The following LARS1 variants were observed in gnomAD, a reference collection of about 807,000 sequenced individuals.
LARS1 encodes the protein leucyl-tRNA synthetase 1.
LARS1 carries 100 observed loss-of-function variants against 162.8 expected under a neutral mutation model. The ratio of observed to expected loss-of-function variants is 0.61; its 90% CI spans 0.52 to 0.73. LARS1 has a LOEUF of 0.73. Among genes scored for constraint, LARS1 ranks in the 30% least tolerant of loss-of-function variants. The pLI is 0.00. For missense variants in LARS1, 1,258 were observed against 1,408.9 expected (o/e 0.89, Z 1.71); for synonymous variants, 457 against 462.8 (o/e 0.99, Z 0.16).
intron 2 of LARS1, among the ~76,000 whole-genome samples, chr5:146,173,576 AAGAC>A (rs1451637274): frequency 6.6e-6 from 1 of 151,122 alleles, no homozygotes; most frequent in African/African-American, 2.4e-5. Flanking sequence ...TGTTTTTGTA[AAGAC>A]AGGGTTCTCA....
Position 146,156,006 on chromosome 5 carries a change from C to T in LARS1, c.1065+1397G>A, listed in dbSNP as rs183642024. Among the ~76,000 whole-genome samples, 398 of 152,314 alleles carry T rather than the reference C, an allele frequency of 2.6e-3. 3 individuals are homozygous for T. Among genetic ancestry groups the T allele is most frequent in the Non-Finnish European group, 2.4e-3 (163 of 68,022 alleles). The stretch of plus-strand genomic sequence containing the variant: ...GCTATAAAAAATAAGAATAAAGAAG[C>T]TGTTTATGTACTGACAAAATGATTG... On this transcript the variant is annotated intron_variant, in intron 10 of 31. Transcript: ENST00000394434.
At position 146,157,537 on chromosome 5, in the gene LARS1, T is replaced by C. The variant is rs1182165535; in HGVS notation, c.931A>G (p.Met311Val). 2 of 1,614,118 alleles carry C rather than the reference T, an allele frequency of 1.2e-6. No individual in the cohort carries two copies. The highest frequency in any genetic ancestry group is 3.3e-5 in the Admixed American group (2 of 60,010). The change falls in exon 10 of 32, where the codon ATG becomes GTG. Residue 311 changes from methionine to valine, a missense_variant. Met to Val is a conservative substitution (Grantham distance 21, BLOSUM62 1). Transcript: ENST00000394434. ...ACCGTCTCAAATCCAATGTACTTCA[T>C]ATCAGGACGAACCCAACAATTTGTC... is the stretch of plus-strand genomic sequence containing the variant. Reference protein sequence around the residue: ...GQTNCWVRPDMKYIGFETVNG... With the variant: ...GQTNCWVRPDVKYIGFETVNG...
chr5:146,168,320 G>T (rs751326477), intron 4 of LARS1, 55 bp from the exon 5 acceptor site: 8 of 1,528,112 alleles, frequency 5.2e-6, no homozygotes, highest in Non-Finnish European at 6.1e-6. Context: ...CACAATTTCA[G>T]TTTTTTACTG....
At chr5:146,116,480 A>G (rs1413562551) in intron 31 of LARS1, among the ~76,000 whole-genome samples, 1 of 152,218 alleles carries the variant, frequency 6.6e-6, no homozygotes, top group Non-Finnish European at 1.5e-5. Flanking sequence ...GTGACAAAAC[A>G]TATTTGCTTT....
At chr5:146,142,726 G>A in intron 20 of LARS1, 146 bp downstream of exon 20, 2 of 648,132 alleles carry the variant, frequency 3.1e-6, no homozygotes, top group Non-Finnish European at 5.2e-6. Context: ...TGGCCTTTCT[G>A]CTTTAGTACA....
chr5:146,173,814 T>A (rs1480044564), intron 2 of LARS1, among the ~76,000 whole-genome samples: 1 of 152,102 alleles, frequency 6.6e-6, no homozygotes, highest in Admixed American at 6.6e-5. Context: ...ACCGTTCCCT[T>A]GTTTTTGAAT....
intron 22 of LARS1, 148 bp downstream of exon 22, chr5:146,135,452 AT>A: frequency 1.6e-6 from 1 of 607,258 alleles, no homozygotes; most frequent in East Asian, 3.1e-5. Flanking sequence ...ATTAAATATT[AT>A]GTTGCTCATC....
At chr5:146,168,509 A>G (rs1446384923) in intron 4 of LARS1, among the ~76,000 whole-genome samples, 1 of 152,084 alleles carries the variant, frequency 6.6e-6, no homozygotes, top group Non-Finnish European at 1.5e-5. Flanking sequence ...AGCCTGGCCA[A>G]CATGATGTCT....
At chr5:146,132,844 T>A (rs905226547) in intron 23 of LARS1, 54 bp downstream of exon 23, 64 of 1,322,718 alleles carry the variant, frequency 4.8e-5, no homozygotes, top group Non-Finnish European at 6.4e-5. Context: ...AAAACAAAAA[T>A]GCACCAGGAC....
chr5:146,122,459 AT>A (rs761897775), intron 30 of LARS1, 32 bp downstream of exon 30: 8 of 1,207,114 alleles, frequency 6.6e-6, no homozygotes, highest in Non-Finnish European at 9.8e-6. Context: ...TGGTTTTAAA[AT>A]GCAATGATTC....
chr5:146,144,462 C>A lies in LARS1; in HGVS notation c.1655+10G>T. On this transcript the variant is annotated intron_variant, in intron 17 of 31. Coordinates refer to ENST00000394434, the MANE Select transcript of LARS1 (RefSeq NM_020117.11). ...CCTTTTTCCTCCTTCATCACTTTCT[C>A]CCATCTTACGTTTCCAGGTTCTTCA... is the stretch of plus-strand genomic sequence containing the variant. 6.2e-7 allele frequency: 1 copy of A among 1,610,510 alleles called. No individual in the cohort carries two copies. Among genetic ancestry groups the A allele is most frequent in the East Asian group, 2.2e-5 (1 of 44,868 alleles).
At chr5:146,131,583 C>G (rs898193087) in intron 23 of LARS1, 3 of 148,652 alleles carry the variant, frequency 2.0e-5, no homozygotes, top group African/African-American at 7.5e-5. Context: ...CCTCAAACTC[C>G]TAGGCTCAAA....
intron 21 of LARS1, chr5:146,139,636 G>A (rs1313731421): frequency 6.6e-6 from 1 of 152,456 alleles, no homozygotes; most frequent in Non-Finnish European, 1.5e-5. Flanking sequence ...AGCACTTTGG[G>A]AGGCTGAGGG....
At chr5:146,145,590 G>A (rs917973422) in intron 15 of LARS1, among the ~76,000 whole-genome samples, 11 of 152,014 alleles carry the variant, frequency 7.2e-5, no homozygotes, top group African/African-American at 1.9e-4. Context: ...GAAAATTGAC[G>A]ATGTTTTTGA....
chr5:146,156,667 C>T (rs766442975), intron 10 of LARS1, among the ~76,000 whole-genome samples: 10 of 151,028 alleles, frequency 6.6e-5, no homozygotes, highest in Non-Finnish European at 1.2e-4. Flanking sequence ...GAACACCAGC[C>T]TGGGCAACAA....
intron 23 of LARS1, 130 bp downstream of exon 23, chr5:146,132,768 T>C (rs1561803960): frequency 8.7e-6 from 6 of 688,976 alleles, no homozygotes; most frequent in Non-Finnish European, 9.2e-6. Flanking sequence ...AAGCCTTCAA[T>C]GAACACTAGC....
intron 31 of LARS1, 169 bp downstream of exon 31, chr5:146,120,202 G>T: frequency 1.4e-6 from 1 of 690,062 alleles, no homozygotes; most frequent in Non-Finnish European, 2.4e-6. Flanking sequence ...AAGCTACCTA[G>T]CCACAGAGTC....
intron 15 of LARS1, 123 bp from the exon 16 acceptor site, chr5:146,144,832 T>A (rs919801662): frequency 3.7e-6 from 3 of 811,516 alleles, no homozygotes; most frequent in Non-Finnish European, 5.9e-6. Context: ...ATTTTCATTA[T>A]GTCTTGCCCG....
At chr5:146,151,831 C>A in intron 14 of LARS1, 31 bp downstream of exon 14, 1 of 1,580,552 alleles carries the variant, frequency 6.3e-7, no homozygotes, top group African/African-American at 1.4e-5. Context: ...TGGAGTAAAG[C>A]AAATAAAAAC....
Sources: gnomAD v4.1 joint callset for allele counts (sites outside exome capture counted in the v4.1 genomes callset) on GRCh38, gnomAD v4.1.1 for gene constraint, MANE v1.5 for transcripts, NCBI Gene and HGNC (gene_info 2026-07-23, HGNC 2026-07-21) for gene names.